Variants in LIG1 observed in about 807,000 individuals in gnomAD.
The protein encoded by LIG1 is DNA ligase 1, also known as ligase I, DNA, ATP-dependent.
LIG1 carries 70 observed loss-of-function variants against 115.7 expected under a neutral mutation model. The observed-to-expected ratio is 0.60, with a 90% CI of 0.50 to 0.74. LIG1 has a LOEUF of 0.74. Among genes scored for constraint, LIG1 ranks in the 30% least tolerant of loss-of-function variants. The pLI is 0.00. For missense variants in LIG1, 1,115 were observed against 1,225.6 expected, an observed-to-expected ratio of 0.91 and a Z score of 1.35; for synonymous variants, 487 against 495.3, an observed-to-expected ratio of 0.98 and a Z score of 0.22.
Position 48,148,659 on chromosome 19 carries a change from G to A in LIG1, c.776+1104C>T, listed in dbSNP as rs111329853. 3.9e-5 allele frequency among the ~76,000 whole-genome samples: 6 copies of A among 152,012 alleles called. 1 individual carries two copies. The highest frequency in any genetic ancestry group is 1.2e-4 in the African/African-American group (5 of 41,434). On this transcript the variant is annotated intron_variant, in intron 9 of 27. Coordinates refer to ENST00000263274, the MANE Select transcript of LIG1 (RefSeq NM_000234.3). ...AGAATCGCAGATGGGTTTTGAGCAT[G>A]GCAGAGATGGGGGGGTGACCTCATT...
chr19:48,159,319 C>T (rs2036038685), intron 4 of LIG1, among the ~76,000 whole-genome samples: 1 of 152,160 alleles, frequency 6.6e-6, no homozygotes, highest in African/African-American at 2.4e-5. Flanking sequence ...ATCCACCCGC[C>T]TTGGCCTCCC....
intron 23 of LIG1, 107 bp from the exon 24 acceptor site, chr19:48,121,429 T>A: frequency 9.0e-7 from 1 of 1,107,404 alleles, no homozygotes; most frequent in Non-Finnish European, 1.2e-6. Context: ...GAAGTAAGTC[T>A]GAAGGGAACT....
chr19:48,166,392 C>T lies in LIG1; in HGVS notation c.-57-769G>A, dbSNP rs914863117. On this transcript the variant is annotated intron_variant, in intron 1 of 27. Transcript: ENST00000263274. ...AGCCTGGACAAGAGTGAAACTCCAT[C>T]TCAAAAAACAAAAACAAAAGAAAGA... is the stretch of plus-strand genomic sequence containing the variant. Among the ~76,000 whole-genome samples the T allele has an allele frequency of 6.6e-5, 10 of 152,136 alleles. 1 individual carries two copies. The South Asian group carries it at 1.0e-3, about 16-fold the overall frequency.
chr19:48,160,928 G>C (rs1345558278), intron 4 of LIG1, among the ~76,000 whole-genome samples: 2 of 151,888 alleles, frequency 1.3e-5, no homozygotes, highest in African/African-American at 4.8e-5. Context: ...GTAGAGATGG[G>C]GTCTCGCTAT....
intron 21 of LIG1, 188 bp from the exon 22 acceptor site, chr19:48,123,506 G>A (rs2033445333): frequency 1.3e-5 from 9 of 667,750 alleles, no homozygotes; most frequent in Non-Finnish European, 2.3e-5. Flanking sequence ...CTAGTCACTG[G>A]CAAGAGGGCC....
At chr19:48,133,551 C>G (rs2034178875) in intron 17 of LIG1, 2 of 318,390 alleles carry the variant, frequency 6.3e-6, no homozygotes, top group African/African-American at 2.1e-5. Context: ...CTGGACACTT[C>G]TGTGTGACAG....
At chr19:48,166,637 A>G (rs978452404) in intron 1 of LIG1, among the ~76,000 whole-genome samples, 3 of 152,204 alleles carry the variant, frequency 2.0e-5, no homozygotes, top group Non-Finnish European at 4.4e-5. Flanking sequence ...GAAATCAATA[A>G]CAGTCACTGG....
At chr19:48,139,939 C>G in intron 12 of LIG1, 32 bp downstream of exon 12, 3 of 1,612,520 alleles carry the variant, frequency 1.9e-6, no homozygotes, top group Non-Finnish European at 2.5e-6. Context: ...AGCTCCTGTC[C>G]TTCTGGTCCC....
Position 48,137,753 on chromosome 19 carries a change from T to G in LIG1, c.1088-65A>C. Reference sequence around the variant, plus strand: ...GTTGTGGCTGCGTGTCTCCCTTCTCTCGCGGCCTGGATGAATTTTCTCCAG... The same window carrying G: ...GTTGTGGCTGCGTGTCTCCCTTCTCGCGCGGCCTGGATGAATTTTCTCCAG... On this transcript the variant is annotated intron_variant, in intron 12 of 27. Transcript: ENST00000263274. The surrounding 1 kb of genome is among the most constrained non-coding windows in gnomAD (Gnocchi z 4.3). 5 of 1,574,538 alleles carry G rather than the reference T, an allele frequency of 3.2e-6. No individual in the cohort carries two copies. Among genetic ancestry groups the G allele is most frequent in the Non-Finnish European group, 4.3e-6 (5 of 1,162,618 alleles).
Position 48,143,619 on chromosome 19 carries a change from G to T in LIG1, c.858-20C>A, listed in dbSNP as rs983770358. The T allele has an allele frequency of 1.2e-6, 2 of 1,606,554 alleles. No homozygotes were observed. The highest frequency in any genetic ancestry group is 1.1e-5 in the South Asian group (1 of 90,918). On this transcript the variant is annotated intron_variant, in intron 10 of 27. Coordinates refer to ENST00000263274, the MANE Select transcript of LIG1 (RefSeq NM_000234.3). ...GGAACCCTAGGGAAGGAAAAGAGAC[G>T]CAAGAGTGACAGTGGTGCAGGCTAT...
intron 17 of LIG1, 90 bp from the exon 18 acceptor site, chr19:48,133,187 A>G (rs911473943): frequency 3.5e-6 from 3 of 868,826 alleles, no homozygotes; most frequent in Admixed American, 3.5e-5. Context: ...GGGCCCCAGG[A>G]CCATTCTGCT....
At position 48,142,442 on chromosome 19, in the gene LIG1, C is replaced by CAAAAAAAAAAAAAAAAAAAAAAAA. The variant is rs561137392; in HGVS notation, c.914+1100_914+1101insTTTTTTTTTTTTTTTTTTTTTTTT. On this transcript the variant is annotated intron_variant, in intron 11 of 27. Transcript: ENST00000263274. ...TGGGCAACAGAGCAAGACTCCATCTCAAAAAAAAAAAAAAACAGAGTGCTG... is the reference window on the plus strand; with the variant it reads ...TGGGCAACAGAGCAAGACTCCATCTCAAAAAAAAAAAAAAAAAAAAAAAAAAAAAAAAAAAAAAACAGAGTGCTG... 1.3e-3 allele frequency among the ~76,000 whole-genome samples: 97 copies of CAAAAAAAAAAAAAAAAAAAAAAAA among 75,498 alleles called. 9 individuals carry two copies. Among genetic ancestry groups the CAAAAAAAAAAAAAAAAAAAAAAAA allele is most frequent in the East Asian group, 3.2e-3 (5 of 1,556 alleles). 49.5% of individuals were successfully genotyped at this position (75,498 alleles called of 152,430 possible). A position where few individuals can be genotyped will look rare whatever the true frequency, so the allele number is the denominator to read the frequency against.
At chr19:48,165,720 A>AC (rs5828336) in intron 1 of LIG1, 97 bp from the exon 2 acceptor site, 6 of 967,430 alleles carry the variant, frequency 6.2e-6, no homozygotes, top group South Asian at 1.4e-5. Context: ...AAAAAAAAAA[A>AC]CAGAAACATG....
intron 9 of LIG1, among the ~76,000 whole-genome samples, chr19:48,145,496 T>TG (rs888274676): frequency 2.0e-5 from 3 of 151,942 alleles, no homozygotes. Flanking sequence ...GGACAAGGGT[T>TG]GGGGGGGAGA....
intron 9 of LIG1, 93 bp downstream of exon 9, chr19:48,149,670 A>G: frequency 3.1e-6 from 3 of 981,450 alleles, no homozygotes; most frequent in Non-Finnish European, 4.8e-6. Context: ...AAGTCCTGCA[A>G]GAGGAGGAAG....
intron 16 of LIG1, among the ~76,000 whole-genome samples, chr19:48,135,261 T>C (rs996928988): frequency 2.0e-5 from 3 of 152,192 alleles, no homozygotes; most frequent in African/African-American, 7.2e-5. Context: ...TGTGCCTCAG[T>C]TTCCCAAGTA....
chr19:48,154,743 T>G (rs1048977411), intron 5 of LIG1, among the ~76,000 whole-genome samples: 2 of 152,248 alleles, frequency 1.3e-5, no homozygotes, highest in African/African-American at 4.8e-5. Context: ...TTGCGCCACC[T>G]GGTCCCCGGT....
chr19:48,125,851 G>A (rs1283875830), intron 21 of LIG1, among the ~76,000 whole-genome samples: 2 of 152,038 alleles, frequency 1.3e-5, no homozygotes, highest in African/African-American at 4.8e-5. Context: ...CGCCAGGCGT[G>A]GTGGTGCACG....
In LIG1 at chr19:48,139,976, G is replaced by A; in HGVS notation, c.1082C>T (p.Ala361Val). 3 of 1,614,114 alleles carry A rather than the reference G, an allele frequency of 1.9e-6. No individual in the cohort carries two copies. Among genetic ancestry groups the A allele is most frequent in the Non-Finnish European group, 2.5e-6 (3 of 1,180,044 alleles). The change falls in exon 12 of 28, where the codon GCC becomes GTC. Residue 361 changes from alanine to valine, a missense_variant. Ala to Val is a moderately conservative substitution (Grantham distance 64). Transcript: ENST00000263274. ...DGVLLKAVAQ[A>V]TGRQLESVRA... ...CCAACCACAGTCCCCCTTACCTGTGGCCTGGGCCACTGCCTTGAGAAGGAC... is the reference window on the plus strand; with the variant it reads ...CCAACCACAGTCCCCCTTACCTGTGACCTGGGCCACTGCCTTGAGAAGGAC...
Sources: gnomAD v4.1 joint callset for allele counts (sites outside exome capture counted in the v4.1 genomes callset) on GRCh38, gnomAD v4.1.1 for gene constraint, Gnocchi (gnomAD v3.1) non-coding constraint, MANE v1.5 for transcripts, NCBI Gene and HGNC (gene_info 2026-07-23, HGNC 2026-07-21) for gene names.